PLG: variants seen among roughly 807,000 people sequenced by gnomAD.
The protein encoded by PLG is plasminogen, also known as plasmin.
In PLG, 41 loss-of-function variants were observed where a neutral mutation model predicts 104.4. The observed-to-expected ratio is 0.39, with a 90% CI of 0.31 to 0.51. The LOEUF (loss-of-function observed/expected upper bound fraction) is 0.51, where lower values mean the gene tolerates loss of function less well. PLG is among the 20% of genes least tolerant of loss of function. The pLI, the probability that PLG is intolerant of heterozygous loss-of-function variation, is 0.76. For missense variants in PLG, 891 were observed against 1,003.6 expected, an observed-to-expected ratio of 0.89 and a Z score of 1.52; for synonymous variants, 337 against 357.1, an observed-to-expected ratio of 0.94 and a Z score of 0.63.
intron 3 of PLG, among the ~76,000 whole-genome samples, chr6:160,709,219 G>A (rs1339132819): frequency 6.6e-6 from 1 of 151,768 alleles, no homozygotes; most frequent in Admixed American, 6.6e-5. Context: ...TTTGGTCCTT[G>A]TTTCTTTGCT....
intron 6 of PLG, 47 bp from the exon 7 acceptor site, chr6:160,716,598 A>C: frequency 9.2e-7 from 1 of 1,084,656 alleles, no homozygotes; most frequent in Non-Finnish European, 1.4e-6. Flanking sequence ...AGTCTTATCC[A>C]TGAATGTAAA....
chr6:160,724,265 A>T lies in PLG; in HGVS notation c.1256+1698A>T, dbSNP rs58184095. Among the ~76,000 whole-genome samples the T allele has an allele frequency of 6.6e-6, 1 of 152,094 alleles. No individual in the cohort carries two copies. Among genetic ancestry groups the T allele is most frequent in the South Asian group, 2.1e-4 (1 of 4,834 alleles). On this transcript the variant is annotated intron_variant, in intron 10 of 18. Transcript: ENST00000308192. This position sits in a 1 kb window ranked among gnomAD's most constrained non-coding sequence, Gnocchi z 5.0. ...AAGAAACAAATGGATAATATCAAAA[A>T]AGAAAAATTATAAAATAACCAAATA...
At position 160,738,757 on chromosome 6, in the gene PLG, AAG is replaced by A. The variant is rs1778134390; in HGVS notation, c.1877+151_1877+152del. ...AGGGACCAGGCCAGGGCAATTGGAT[AAG>A]AGAGAAGGGAAGGGTTTCTAGAAAG... On this transcript the variant is annotated intron_variant, in intron 15 of 18. Transcript: ENST00000308192. This position sits in a 1 kb window ranked among gnomAD's most constrained non-coding sequence, Gnocchi z 6.8. 1 of 718,594 alleles carries A rather than the reference AAG, an allele frequency of 1.4e-6. No homozygotes were observed. The highest frequency in any genetic ancestry group is 1.8e-5 in the African/African-American group (1 of 56,912). 44.5% of individuals were successfully genotyped at this position (718,594 alleles called of 1,614,324 possible). A position where few individuals can be genotyped will look rare whatever the true frequency, so the allele number is the denominator to read the frequency against.
In PLG at chr6:160,723,611, AT is replaced by A. The variant is rs1777880109; in HGVS notation, c.1256+1046del. On this transcript the variant is annotated intron_variant, in intron 10 of 18. Transcript: ENST00000308192. This position sits in a 1 kb window ranked among gnomAD's most constrained non-coding sequence, Gnocchi z 4.7. ...GCTAGGTAATAACATGAAAGGAAAC[AT>A]TGTGGAGGAAAGCAGCTCCAGGAAT... Among the ~76,000 whole-genome samples, 1 of 152,190 alleles carries A rather than the reference AT, an allele frequency of 6.6e-6. No homozygotes were observed. Among genetic ancestry groups the A allele is most frequent in the Admixed American group, 6.5e-5 (1 of 15,280 alleles).
Position 160,741,169 on chromosome 6 carries a change from G to A in PLG, c.2019-142G>A, listed in dbSNP as rs757388447. ...CAGGCAAATGTGAGGGTGAAACTCT[G>A]TGTTCTACGTTGCTCTGTGTCAGTG... On this transcript the variant is annotated intron_variant, in intron 16 of 18. Transcript: ENST00000308192. This position sits in a 1 kb window ranked among gnomAD's most constrained non-coding sequence, Gnocchi z 4.7. 3.2e-5 allele frequency: 22 copies of A among 691,504 alleles called. No individual in the cohort carries two copies. Among genetic ancestry groups the A allele is most frequent in the Admixed American group, 2.8e-4 (14 of 49,156 alleles). 42.8% of individuals were successfully genotyped at this position (691,504 alleles called of 1,614,324 possible).
At chr6:160,730,402 G>A (rs1192708855) in intron 10 of PLG, among the ~76,000 whole-genome samples, 1 of 152,230 alleles carries the variant, frequency 6.6e-6, no homozygotes, top group Non-Finnish European at 1.5e-5. Flanking sequence ...CTGGGAGCTA[G>A]TTTCCCAGGG....
At chr6:160,751,971 G>A in intron 17 of PLG, 144 bp from the exon 18 acceptor site, 1 of 735,678 alleles carries the variant, frequency 1.4e-6, no homozygotes. Context: ...ACTCTGCAGG[G>A]TCAGAGACTC....
Position 160,741,641 on chromosome 6 carries a change from C to G in PLG, c.2125+224C>G, listed in dbSNP as rs940056953. 4.6e-5 allele frequency among the ~76,000 whole-genome samples: 7 copies of G among 152,148 alleles called. No individual in the cohort carries two copies. The highest frequency in any genetic ancestry group is 8.8e-5 in the Non-Finnish European group (6 of 68,036). On this transcript the variant is annotated intron_variant, in intron 17 of 18. Transcript: ENST00000308192. This position sits in a 1 kb window ranked among gnomAD's most constrained non-coding sequence, Gnocchi z 4.7. ...GAGTCTCTCTCTCTCTCTCTGTTTT[C>G]AGAACATTTTTATTTCAATTAATTA...
Position 160,725,149 on chromosome 6 carries a change from A to G in PLG, c.1256+2582A>G, listed in dbSNP as rs1777902176. On this transcript the variant is annotated intron_variant, in intron 10 of 18. Transcript: ENST00000308192. This position sits in a 1 kb window ranked among gnomAD's most constrained non-coding sequence, Gnocchi z 6.3. ...AGAATCACTTGAACCCAGGAGGTGG[A>G]GGTTGCAGTGAGCTGAGATCGTGCC... is the stretch of plus-strand genomic sequence containing the variant. Among the ~76,000 whole-genome samples the G allele has an allele frequency of 2.0e-5, 3 of 152,124 alleles. No homozygotes were observed. Among genetic ancestry groups the G allele is most frequent in the Admixed American group, 1.3e-4 (2 of 15,256 alleles).
In PLG at chr6:160,732,279, G is replaced by A. The variant is rs1055268000; in HGVS notation, c.1587+386G>A. Reference sequence around the variant, plus strand: ...GAGAAAAAATTTGGATGGGCCATCAGGTCACCATGGGACTTCCCTTAGCCT... The same window carrying A: ...GAGAAAAAATTTGGATGGGCCATCAAGTCACCATGGGACTTCCCTTAGCCT... On this transcript the variant is annotated intron_variant, in intron 12 of 18. Coordinates refer to ENST00000308192, the MANE Select transcript of PLG (RefSeq NM_000301.5). The surrounding 1 kb of genome is among the most constrained non-coding windows in gnomAD (Gnocchi z 4.5). 6.6e-6 allele frequency among the ~76,000 whole-genome samples: 1 copy of A among 152,152 alleles called. No individual in the cohort carries two copies. The highest frequency in any genetic ancestry group is 1.5e-5 in the Non-Finnish European group (1 of 68,030).
In PLG at chr6:160,723,116, T is replaced by TA. The variant is rs1491300378; in HGVS notation, c.1256+549_1256+550insA. On this transcript the variant is annotated intron_variant, in intron 10 of 18. Transcript: ENST00000308192. This position sits in a 1 kb window ranked among gnomAD's most constrained non-coding sequence, Gnocchi z 4.7. The stretch of plus-strand genomic sequence containing the variant: ...GTGTGTATATATATGTACACATATA[T>TA]GTGTGTATATATATGTACACATATA... Among the ~76,000 whole-genome samples the TA allele has an allele frequency of 6.6e-6, 1 of 150,908 alleles. No individual in the cohort carries two copies. The highest frequency in any genetic ancestry group is 2.4e-5 in the African/African-American group (1 of 40,960).
intron 12 of PLG, among the ~76,000 whole-genome samples, chr6:160,733,390 G>A (rs1778031811): frequency 6.6e-6 from 1 of 152,142 alleles, no homozygotes; most frequent in Non-Finnish European, 1.5e-5. Flanking sequence ...ACTGGGTCAG[G>A]CTCCTGAAGG....
At chr6:160,713,669 A>C (rs1034405334) in intron 5 of PLG, among the ~76,000 whole-genome samples, 4 of 152,222 alleles carry the variant, frequency 2.6e-5, no homozygotes, top group Non-Finnish European at 4.4e-5. Context: ...ACTCTTACAC[A>C]GTGTTAACCC....
In PLG at chr6:160,719,935, T is replaced by G. The variant is rs1392373436; in HGVS notation, c.1096+1097T>G. Among the ~76,000 whole-genome samples, 1 of 152,188 alleles carries G rather than the reference T, an allele frequency of 6.6e-6. No individual in the cohort carries two copies. Among genetic ancestry groups the G allele is most frequent in the Non-Finnish European group, 1.5e-5 (1 of 68,038 alleles). On this transcript the variant is annotated intron_variant, in intron 9 of 18. Coordinates refer to ENST00000308192, the MANE Select transcript of PLG (RefSeq NM_000301.5). This position sits in a 1 kb window ranked among gnomAD's most constrained non-coding sequence, Gnocchi z 4.1. ...CTATTTTAAATATTTTCTTTATTTA[T>G]TTATTTTACCATTTCTGGTGCTTCT...
At chr6:160,711,465 T>A in intron 4 of PLG, 1 of 1,017,524 alleles carries the variant, frequency 9.8e-7, no homozygotes, top group Admixed American at 2.8e-5. Flanking sequence ...CTTTTTCAAG[T>A]CTTTTCCATC....
rs1197557983 is a variant in PLG, at chr6:160,741,027, A to G, written c.2019-284A>G. 1.3e-5 allele frequency among the ~76,000 whole-genome samples: 2 copies of G among 152,230 alleles called. No individual in the cohort carries two copies. Among genetic ancestry groups the G allele is most frequent in the African/African-American group, 4.8e-5 (2 of 41,468 alleles). On this transcript the variant is annotated intron_variant, in intron 16 of 18. Coordinates refer to ENST00000308192, the MANE Select transcript of PLG (RefSeq NM_000301.5). The surrounding 1 kb of genome is among the most constrained non-coding windows in gnomAD (Gnocchi z 4.7). The stretch of plus-strand genomic sequence containing the variant: ...GATTCCAGTTGTGCACAGAATATAC[A>G]TGAGAAGTGCGCCTTTGTCATCCCT...
Position 160,706,522 on chromosome 6 carries a change from G to C in PLG, c.165G>C (p.Glu55Asp). ...SIEECAAKCE[E>D]DEEFTCRAFQ... ...AAGAATGTGCAGCAAAATGTGAGGA[G>C]GACGAAGAATTCACCTGCAGGTATT... is the stretch of plus-strand genomic sequence containing the variant. Residue 55 changes from glutamate to aspartate, a missense_variant, in exon 2 of 19, where the codon GAG (glutamate) becomes GAC (aspartate). This residue lies in a region of PLG where 854 missense variants were observed against 932.1 expected (regional missense o/e 0.92). Transcript: ENST00000308192. 6.2e-7 allele frequency: 1 copy of C among 1,613,768 alleles called. No homozygotes were observed. The highest frequency in any genetic ancestry group is 8.5e-7 in the Non-Finnish European group (1 of 1,179,750).
chr6:160,747,343 T>C (rs1031557129), intron 17 of PLG, among the ~76,000 whole-genome samples: 11 of 152,212 alleles, frequency 7.2e-5, no homozygotes, highest in African/African-American at 2.4e-4. Flanking sequence ...CTTTGCAGTA[T>C]GCCCTGACAA....
intron 17 of PLG, among the ~76,000 whole-genome samples, chr6:160,750,270 G>T (rs1778380744): frequency 6.6e-6 from 1 of 152,146 alleles, no homozygotes; most frequent in South Asian, 2.1e-4. Flanking sequence ...GACTTTCCCT[G>T]TTGCCCTCTC....
Sources: allele counts gnomAD v4.1 joint callset (sites outside exome capture counted in the v4.1 genomes callset), GRCh38; gene constraint gnomAD v4.1.1; regional missense constraint gnomAD v4.1.1; non-coding constraint Gnocchi (gnomAD v3.1); transcripts MANE v1.5; gene names NCBI Gene and HGNC (gene_info 2026-07-23, HGNC 2026-07-21).